Variants in GSR observed in about 807,000 individuals in gnomAD.
GSR encodes the protein glutathione-disulfide reductase, also known as glutathione reductase, mitochondrial.
A neutral mutation model predicts 56.5 loss-of-function variants in GSR; 48 were observed. The ratio of observed to expected loss-of-function variants is 0.85; its 90% CI spans 0.67 to 1.08. The LOEUF (loss-of-function observed/expected upper bound fraction) is 1.08, where lower values mean the gene tolerates loss of function less well. Among genes scored for constraint, GSR ranks in the 50% least tolerant of loss-of-function variants. The pLI, the probability that GSR is intolerant of heterozygous loss-of-function variation, is 0.00. For missense variants in GSR, 694 were observed against 703.3 expected, an observed-to-expected ratio of 0.99 and a Z score of 0.15; for synonymous variants, 264 against 270.8, an observed-to-expected ratio of 0.97 and a Z score of 0.25.
chr8:30,694,291 G>A lies in GSR; in HGVS notation c.796-1236C>T, dbSNP rs185526056. Among the ~76,000 whole-genome samples, 64 of 152,214 alleles carry A rather than the reference G, an allele frequency of 4.2e-4. No homozygotes were observed. In the East Asian group the frequency reaches 0.011, roughly 27 times the overall value. On this transcript the variant is annotated intron_variant, in intron 7 of 12. Transcript: ENST00000221130. The stretch of plus-strand genomic sequence containing the variant: ...GATAAATTCTGTCCCTGCAGAACTA[G>A]GCCCCAAAGGCATTATGTGGCTTGC...
Position 30,686,986 on chromosome 8 carries a change from G to A in GSR, c.1041+2175C>T, listed in dbSNP as rs892085657. ...CAAGTAGCTGGGATTACAGGCATGCGTCACCATGCCTGGCTAATTTTTGTA... is the reference window on the plus strand; with the variant it reads ...CAAGTAGCTGGGATTACAGGCATGCATCACCATGCCTGGCTAATTTTTGTA... On this transcript the variant is annotated intron_variant, in intron 9 of 12. Coordinates refer to ENST00000221130, the MANE Select transcript of GSR (RefSeq NM_000637.5). Among the ~76,000 whole-genome samples the A allele has an allele frequency of 3.3e-5, 5 of 151,720 alleles. No homozygotes were observed. In the East Asian group the frequency reaches 5.9e-4, roughly 18 times the overall value.
intron 1 of GSR, among the ~76,000 whole-genome samples, chr8:30,726,485 G>T (rs1804727460): frequency 6.6e-6 from 1 of 152,190 alleles, no homozygotes; most frequent in Non-Finnish European, 1.5e-5. Context: ...TAGAATGAGT[G>T]CAGTGGCTCA....
intron 1 of GSR, among the ~76,000 whole-genome samples, chr8:30,713,338 G>A (rs1190950930): frequency 6.7e-6 from 1 of 150,014 alleles, no homozygotes; most frequent in Non-Finnish European, 1.5e-5. Context: ...TGCCCAGCCA[G>A]AAAACTACAT....
At chr8:30,718,426 C>T (rs1379448733) in intron 1 of GSR, among the ~76,000 whole-genome samples, 1 of 152,098 alleles carries the variant, frequency 6.6e-6, no homozygotes, top group African/African-American at 2.4e-5. Flanking sequence ...TTGAGCAGGT[C>T]AGAGATAAGG....
At chr8:30,684,222 T>C (rs372149247) in intron 9 of GSR, 23 bp from the exon 10 acceptor site, 13 of 1,318,938 alleles carry the variant, frequency 9.9e-6, no homozygotes, top group African/African-American at 4.3e-5. Flanking sequence ...AGAGATATCA[T>C]GTAACCACTT....
chr8:30,697,769 G>C (rs971925174), intron 6 of GSR, among the ~76,000 whole-genome samples: 1 of 152,162 alleles, frequency 6.6e-6, no homozygotes, highest in Non-Finnish European at 1.5e-5. Flanking sequence ...GCCCAGGCTG[G>C]TCTCGAACTC....
intron 2 of GSR, among the ~76,000 whole-genome samples, chr8:30,710,592 C>G (rs1001481844): frequency 1.3e-5 from 2 of 150,288 alleles, no homozygotes; most frequent in Admixed American, 6.7e-5. Flanking sequence ...TGGTGATGCA[C>G]GCCTGTAGTC....
At chr8:30,685,505 C>G (rs989472138) in intron 9 of GSR, among the ~76,000 whole-genome samples, 1 of 152,036 alleles carries the variant, frequency 6.6e-6, no homozygotes, top group East Asian at 1.9e-4. Context: ...AAAGTAAAAG[C>G]AAAACAAAAC....
In GSR at chr8:30,721,426, G is replaced by A. The variant is rs10106746; in HGVS notation, c.306+6104C>T. Among the ~76,000 whole-genome samples the A allele has an allele frequency of 7.6e-3, 1,157 of 152,276 alleles. 17 individuals are homozygous for A. The highest frequency in any genetic ancestry group is 0.027 in the African/African-American group (1,117 of 41,552). On this transcript the variant is annotated intron_variant, in intron 1 of 12. Coordinates refer to ENST00000221130, the MANE Select transcript of GSR (RefSeq NM_000637.5). ...AGCACTTTGGGAGGCCAAGGTGGGC[G>A]GATCACTTGAAGTCAGGAGTTTGAG... is the stretch of plus-strand genomic sequence containing the variant.
chr8:30,725,355 G>A (rs966865940), intron 1 of GSR, among the ~76,000 whole-genome samples: 1 of 151,846 alleles, frequency 6.6e-6, no homozygotes, highest in Admixed American at 6.6e-5. Context: ...GGAGGCTGAG[G>A]TGAGCGGATC....
At chr8:30,719,907 A>G (rs1374085366) in intron 1 of GSR, among the ~76,000 whole-genome samples, 3 of 152,120 alleles carry the variant, frequency 2.0e-5, no homozygotes, top group Non-Finnish European at 4.4e-5. Context: ...AAGAACATCA[A>G]CTGTGTTCAA....
At chr8:30,703,027 C>G (rs1001139249) in intron 5 of GSR, 66 bp downstream of exon 5, 2 of 1,536,856 alleles carry the variant, frequency 1.3e-6, no homozygotes, top group Non-Finnish European at 9.0e-7. Context: ...CCTGGCATGG[C>G]TTTTCAGGTT....
chr8:30,718,996 C>T (rs1057425294), intron 1 of GSR, among the ~76,000 whole-genome samples: 3 of 151,838 alleles, frequency 2.0e-5, no homozygotes, highest in African/African-American at 7.3e-5. Flanking sequence ...GTGGTGCCAT[C>T]TCGGTTCATC....
At chr8:30,705,481 C>T (rs949443087) in intron 4 of GSR, among the ~76,000 whole-genome samples, 1 of 152,128 alleles carries the variant, frequency 6.6e-6, no homozygotes, top group African/African-American at 2.4e-5. Flanking sequence ...CCAGGATGGT[C>T]TCAATCTCCT....
chr8:30,681,832 G>T, intron 11 of GSR, 98 bp downstream of exon 11: 1 of 1,136,796 alleles, frequency 8.8e-7, no homozygotes, highest in Non-Finnish European at 1.3e-6. Flanking sequence ...ATCTGGGGCT[G>T]AGATAGGTTT....
At chr8:30,708,238 C>G in intron 3 of GSR, 97 bp from the exon 4 acceptor site, 1 of 881,656 alleles carries the variant, frequency 1.1e-6, no homozygotes, top group Non-Finnish European at 1.9e-6. Context: ...CAGAGAATCA[C>G]TGACTGTCAA....
chr8:30,722,496 T>TG (rs1433156159), intron 1 of GSR, among the ~76,000 whole-genome samples: 1 of 136,788 alleles, frequency 7.3e-6, no homozygotes, highest in Non-Finnish European at 1.7e-5. Context: ...GAGGCTAAGG[T>TG]GGGAGGACTG....
chr8:30,700,198 A>G (rs1325911338), intron 5 of GSR, 63 bp from the exon 6 acceptor site: 3 of 1,177,314 alleles, frequency 2.5e-6, no homozygotes, highest in Non-Finnish European at 3.8e-6. Context: ...AGTAATCACA[A>G]CATTTTATGC....
intron 8 of GSR, among the ~76,000 whole-genome samples, chr8:30,691,377 A>T (rs1586041586): frequency 6.6e-6 from 1 of 150,712 alleles, no homozygotes; most frequent in Admixed American, 6.6e-5. Flanking sequence ...AAACAAACAA[A>T]CCAAAAAACC....
Sources: gnomAD v4.1 joint callset for allele counts (sites outside exome capture counted in the v4.1 genomes callset) on GRCh38, gnomAD v4.1.1 for gene constraint, MANE v1.5 for transcripts, NCBI Gene and HGNC (gene_info 2026-07-23, HGNC 2026-07-21) for gene names.